NAV2: variants seen among roughly 807,000 people sequenced by gnomAD.
NAV2 encodes helicase, APC down-regulated 1.
A neutral mutation model predicts 223.2 loss-of-function variants in NAV2; 54 were observed. The observed-to-expected ratio is 0.24, with a 90% confidence interval of 0.19 to 0.30. The LOEUF (loss-of-function observed/expected upper bound fraction) is 0.30. Among genes scored for constraint, NAV2 ranks in the 10% least tolerant of loss-of-function variants. The pLI, the probability that NAV2 is intolerant of heterozygous loss-of-function variation, is 1.00. For synonymous variants in NAV2, 1,279 were observed against 1,239.3 expected (o/e 1.03, Z -0.67); for missense variants, 2,806 against 3,147.5 (o/e 0.89, Z 2.60).
intron 1 of NAV2, among the ~76,000 whole-genome samples, chr11:19,492,412 A>G (rs1441923612): frequency 6.6e-6 from 1 of 152,164 alleles, no homozygotes; most frequent in East Asian, 1.9e-4. Flanking sequence ...GTTAAATATC[A>G]GCATGTGTCT....
chr11:19,427,813 C>T (rs1850891281), intron 1 of NAV2, among the ~76,000 whole-genome samples: 1 of 152,178 alleles, frequency 6.6e-6, no homozygotes, highest in South Asian at 2.1e-4. Context: ...ATTTCACTGT[C>T]TGTGATCTGT....
chr11:19,392,618 A>T (rs895127646), intron 1 of NAV2, among the ~76,000 whole-genome samples: 8 of 152,208 alleles, frequency 5.3e-5, no homozygotes, highest in Admixed American at 6.5e-5. Flanking sequence ...TTTGTGACCT[A>T]GCCTCAGAAG....
At chr11:19,861,486 G>C (rs776513174) in intron 3 of NAV2, among the ~76,000 whole-genome samples, 2 of 152,216 alleles carry the variant, frequency 1.3e-5, no homozygotes, top group African/African-American at 4.8e-5. Context: ...ACTACCGGTT[G>C]TTGGGCACAT....
intron 1 of NAV2, among the ~76,000 whole-genome samples, chr11:19,599,571 G>A (rs955844890): frequency 1.3e-5 from 2 of 152,158 alleles, no homozygotes; most frequent in African/African-American, 4.8e-5. Flanking sequence ...GAAGGGGTAG[G>A]GAGAAAACGA....
At chr11:19,825,577 T>A (rs2059607775) in intron 1 of NAV2, among the ~76,000 whole-genome samples, 5 of 152,240 alleles carry the variant, frequency 3.3e-5, no homozygotes. Context: ...GCATTTATAG[T>A]TTGGTAGCTA....
At chr11:19,476,001 G>A (rs1020228081) in intron 1 of NAV2, among the ~76,000 whole-genome samples, 1 of 152,124 alleles carries the variant, frequency 6.6e-6, no homozygotes, top group Non-Finnish European at 1.5e-5. Flanking sequence ...TTGAGACAGA[G>A]TCTTACTCTA....
intron 1 of NAV2, among the ~76,000 whole-genome samples, chr11:19,354,505 T>C (rs933949843): frequency 9.2e-5 from 14 of 152,382 alleles, no homozygotes; most frequent in Admixed American, 3.3e-4. Flanking sequence ...CACTGGCCTA[T>C]GCCTTAAAGA....
intron 1 of NAV2, among the ~76,000 whole-genome samples, chr11:19,684,846 C>T (rs2048976872): frequency 6.6e-6 from 1 of 152,220 alleles, no homozygotes; most frequent in African/African-American, 2.4e-5. Flanking sequence ...TCCCTATGGG[C>T]TCAAGAGCCC....
At chr11:19,456,901 A>T (rs1292993919) in intron 1 of NAV2, among the ~76,000 whole-genome samples, 1 of 152,220 alleles carries the variant, frequency 6.6e-6, no homozygotes, top group African/African-American at 2.4e-5. Context: ...ACAGGAGATG[A>T]ACCCAAATCC....
chr11:19,446,369 T>C (rs1429133654), intron 1 of NAV2, among the ~76,000 whole-genome samples: 1 of 152,148 alleles, frequency 6.6e-6, no homozygotes, highest in Non-Finnish European at 1.5e-5. Context: ...GCATCCTTTC[T>C]TCCTTCCCTC....
At chr11:19,803,752 T>G (rs2058397931) in intron 1 of NAV2, among the ~76,000 whole-genome samples, 1 of 152,250 alleles carries the variant, frequency 6.6e-6, no homozygotes, top group Non-Finnish European at 1.5e-5. Flanking sequence ...TCCCTGCTTT[T>G]GCAATGGAAA....
rs1266517308 is a variant in NAV2 at position 19,946,493 on chromosome 11, A to T, written c.2239A>T (p.Thr747Ser). The change falls in exon 9 of 38, where the codon ACT becomes TCT. Residue 747 changes from threonine to serine, a missense_variant. Thr to Ser is a moderately conservative substitution (Grantham distance 58, BLOSUM62 1). This residue lies in a region of NAV2 where 1,167 missense variants were observed against 1,180.5 expected (regional missense o/e 0.99). Coordinates refer to ENST00000349880, the MANE Select transcript of NAV2 (RefSeq NM_145117.5). ...GGAAACCATGTCCAGTTTAAGGGGA[A>T]CTCAGGTTACACACAGGTATCTGCA... is the stretch of plus-strand genomic sequence containing the variant. ...LEETMSSLRG[T>S]QVTHSTLETT... 6.2e-7 allele frequency: 1 copy of T among 1,613,270 alleles called. No individual in the cohort carries two copies. The highest frequency in any genetic ancestry group is 1.1e-5 in the South Asian group (1 of 90,768).
intron 1 of NAV2, among the ~76,000 whole-genome samples, chr11:19,798,872 A>G (rs771865415): frequency 1.3e-5 from 2 of 152,184 alleles, no homozygotes; most frequent in South Asian, 2.1e-4. Context: ...CTATGAATCT[A>G]TGGACTCTTG....
intron 1 of NAV2, among the ~76,000 whole-genome samples, chr11:19,572,248 G>T (rs2045447258): frequency 6.6e-6 from 1 of 152,204 alleles, no homozygotes; most frequent in Admixed American, 6.5e-5. Context: ...TCAGGGTCCA[G>T]GGTCCGTGTC....
chr11:20,040,354 G>T (rs919378500), intron 12 of NAV2, among the ~76,000 whole-genome samples: 64 of 152,302 alleles, frequency 4.2e-4, no homozygotes, highest in African/African-American at 1.4e-3. Context: ...AGTTGGTAAT[G>T]AATAGAACCA....
At chr11:20,048,150 T>C (rs1244899629) in intron 14 of NAV2, among the ~76,000 whole-genome samples, 1 of 152,214 alleles carries the variant, frequency 6.6e-6, no homozygotes, top group Non-Finnish European at 1.5e-5. Context: ...GTAAGCTCTC[T>C]GGCTTCAAAA....
intron 1 of NAV2, among the ~76,000 whole-genome samples, chr11:19,420,017 A>C (rs1850543481): frequency 6.6e-6 from 1 of 152,140 alleles, no homozygotes; most frequent in Non-Finnish European, 1.5e-5. Context: ...GTAGCTGGAG[A>C]GCAAGCAGTA....
intron 10 of NAV2, among the ~76,000 whole-genome samples, chr11:19,972,600 A>C (rs1348705710): frequency 2.6e-5 from 4 of 152,210 alleles, no homozygotes; most frequent in Non-Finnish European, 4.4e-5. Context: ...GTGTTTGTAC[A>C]TGCGTGTCTG....
intron 1 of NAV2, among the ~76,000 whole-genome samples, chr11:19,826,164 G>A (rs4757014): frequency 0.32 from 47,903 of 152,050 alleles, 8,496 homozygotes; most frequent in East Asian, 0.55. Context: ...TGGGATGGTG[G>A]TTTTGGTCTT....
Sources: gnomAD v4.1 joint callset for allele counts (sites outside exome capture counted in the v4.1 genomes callset) on GRCh38, gnomAD v4.1.1 for gene constraint, gnomAD v4.1.1 regional missense constraint, MANE v1.5 for transcripts, NCBI Gene and HGNC (gene_info 2026-07-23, HGNC 2026-07-21) for gene names.